Variants in GPATCH2L observed in about 807,000 individuals in gnomAD.
The protein encoded by GPATCH2L is G-patch domain containing 2 like, also known as G patch domain-containing protein 2-like.
A neutral mutation model predicts 57.4 loss-of-function variants in GPATCH2L; 31 were observed. The ratio of observed to expected loss-of-function variants is 0.54; its 90% CI spans 0.41 to 0.73. The LOEUF (loss-of-function observed/expected upper bound fraction) is 0.73. Ranked by LOEUF, GPATCH2L falls within the 30% of genes least tolerant of loss-of-function variation. GPATCH2L has a pLI of 0.00. For synonymous variants in GPATCH2L, 199 were observed against 210.7 expected, an observed-to-expected ratio of 0.94 and a Z score of 0.48; for missense variants, 481 against 599.9, an observed-to-expected ratio of 0.80 and a Z score of 2.07.
Position 76,195,981 on chromosome 14 carries a change from A to C in GPATCH2L, c.1288+9A>C. The C allele has an allele frequency of 1.9e-6, 3 of 1,578,376 alleles. No individual in the cohort carries two copies. The highest frequency in any genetic ancestry group is 2.6e-6 in the Non-Finnish European group (3 of 1,147,356). On this transcript the variant is annotated intron_variant, in intron 9 of 9. Coordinates refer to ENST00000261530, the MANE Select transcript of GPATCH2L (RefSeq NM_017926.4). ...GTCTAGCCCCAGTGCAGGTGATTACATGCAGTTATCATTTATTGAGCATGT... is the reference window on the plus strand; with the variant it reads ...GTCTAGCCCCAGTGCAGGTGATTACCTGCAGTTATCATTTATTGAGCATGT...
Position 76,214,000 on chromosome 14 carries a change from A to G in GPATCH2L, c.*12149A>G, listed in dbSNP as rs2040469211. 6.6e-6 allele frequency: 1 copy of G among 152,142 alleles called. No homozygotes were observed. The highest frequency in any genetic ancestry group is 2.4e-5 in the African/African-American group (1 of 41,420). 9.4% of individuals were successfully genotyped at this position (152,142 alleles called of 1,614,324 possible). A position where few individuals can be genotyped will look rare whatever the true frequency, so the allele number is the denominator to read the frequency against. On this transcript the variant is annotated 3_prime_UTR_variant, in exon 10 of 10. Coordinates refer to ENST00000261530, the MANE Select transcript of GPATCH2L (RefSeq NM_017926.4). ...ACTGTTTTAATTATAGAGACTTTAT[A>G]GTATGTTTTAACAACTGGCAAGGCT...
intron 9 of GPATCH2L, 148 bp from the exon 10 acceptor site, chr14:76,201,541 AAG>A: frequency 2.1e-6 from 1 of 476,826 alleles, no homozygotes; most frequent in African/African-American, 2.0e-5. Context: ...GTAGAGAAGA[AAG>A]AGATACCTTA....
intron 2 of GPATCH2L, among the ~76,000 whole-genome samples, chr14:76,165,446 CGCACCACA>C (rs1215749528): frequency 6.7e-6 from 1 of 149,664 alleles, no homozygotes; most frequent in Non-Finnish European, 1.5e-5. Flanking sequence ...GAGCCGAGAT[CGCACCACA>C]GCACTCCAGC....
At chr14:76,232,497 T>C (rs995747664) in intron 2 of GPATCH2L, among the ~76,000 whole-genome samples, 2 of 152,158 alleles carry the variant, frequency 1.3e-5, no homozygotes, top group Non-Finnish European at 2.9e-5. Flanking sequence ...CTGTTCGAGG[T>C]TAGCGGGAGC....
chr14:76,202,032 T>G lies in GPATCH2L; in HGVS notation c.*181T>G. On this transcript the variant is annotated 3_prime_UTR_variant, in exon 10 of 10. Transcript: ENST00000261530. Reference sequence around the variant, plus strand: ...CAGAAGATCATGTTGTGGGAATCTTTTTTTTAAATAGTGAAATATTGAGGC... The same window carrying G: ...CAGAAGATCATGTTGTGGGAATCTTGTTTTTAAATAGTGAAATATTGAGGC... 2.0e-6 allele frequency: 1 copy of G among 488,880 alleles called. No individual in the cohort carries two copies. The highest frequency in any genetic ancestry group is 3.5e-6 in the Non-Finnish European group (1 of 282,624). The allele number at this position is 488,880 out of a possible 1,614,324, so 30.3% of individuals were successfully genotyped here. A position where few individuals can be genotyped will look rare whatever the true frequency, so the allele number is the denominator to read the frequency against.
At chr14:76,214,834 C>G (rs1014755874), downstream of GPATCH2L, among the ~76,000 whole-genome samples, 1 of 152,144 alleles carries the variant, frequency 6.6e-6, no homozygotes, top group African/African-American at 2.4e-5. Context: ...TTAGTATAAT[C>G]TAAGCCCTAA....
intron 1 of GPATCH2L, among the ~76,000 whole-genome samples, chr14:76,153,453 A>C (rs1201191232): frequency 8.5e-5 from 13 of 152,206 alleles, no homozygotes; most frequent in African/African-American, 3.1e-4. Flanking sequence ...ATGAACAGAA[A>C]AATAAGAAAT....
rs542457016 is a variant in GPATCH2L at position 76,176,426 on chromosome 14, A to G, written c.985-197A>G. 7.8e-3 allele frequency: 4,389 copies of G among 562,992 alleles called. 22 individuals are homozygous for G. Among genetic ancestry groups the G allele is most frequent in the Non-Finnish European group, 9.9e-3 (3,118 of 315,302 alleles). 34.9% of individuals were successfully genotyped at this position (562,992 alleles called of 1,614,324 possible). ...CTTTTGGATCACTGGAGAATAATAA[A>G]TGTAGGGTAACATGTAATACTTTTA... On this transcript the variant is annotated intron_variant, in intron 5 of 9. Coordinates refer to ENST00000261530, the MANE Select transcript of GPATCH2L (RefSeq NM_017926.4).
chr14:76,178,328 G>A (rs2039422229), intron 7 of GPATCH2L: 1 of 1,196,402 alleles, frequency 8.4e-7, no homozygotes, highest in South Asian at 1.4e-5. Context: ...AGAAGGTAGA[G>A]CTGCTTTGGG....
At chr14:76,156,885 C>G (rs575418691) in intron 2 of GPATCH2L, among the ~76,000 whole-genome samples, 1 of 152,182 alleles carries the variant, frequency 6.6e-6, no homozygotes, top group Non-Finnish European at 1.5e-5. Context: ...CCTTCTTACT[C>G]CAGACACATC....
intron 1 of GPATCH2L, among the ~76,000 whole-genome samples, chr14:76,223,012 C>CA (rs1363972357): frequency 2.6e-5 from 4 of 151,082 alleles, no homozygotes; most frequent in Non-Finnish European, 2.9e-5. Context: ...AACTTTCCCA[C>CA]AAAAAAATCC....
At chr14:76,216,911 AAGTC>A (rs1400109865), downstream of GPATCH2L, among the ~76,000 whole-genome samples, 1 of 152,164 alleles carries the variant, frequency 6.6e-6, no homozygotes, top group Non-Finnish European at 1.5e-5. Context: ...GTGGTGCCCT[AAGTC>A]AGTGGGGGAA....
intron 1 of GPATCH2L, among the ~76,000 whole-genome samples, chr14:76,227,644 A>G (rs2040541697): frequency 6.6e-6 from 1 of 152,228 alleles, no homozygotes; most frequent in Non-Finnish European, 1.5e-5. Context: ...TTTTCGTTTA[A>G]GATATTAAAC....
Position 76,166,647 on chromosome 14 carries a change from T to A in GPATCH2L, c.663-16T>A, listed in dbSNP as rs751370659. On this transcript the variant is annotated splice_polypyrimidine_tract_variant and intron_variant, in intron 2 of 9. Coordinates refer to ENST00000261530, the MANE Select transcript of GPATCH2L (RefSeq NM_017926.4). The stretch of plus-strand genomic sequence containing the variant: ...CTGGAGCTGATGAGTTCTCTTGTGT[T>A]TTACTCTTTTTACAGTGAAACCAGC... The A allele has an allele frequency of 1.3e-6, 2 of 1,587,706 alleles. No homozygotes were observed. Among genetic ancestry groups the A allele is most frequent in the Non-Finnish European group, 1.7e-6 (2 of 1,156,030 alleles).
intron 9 of GPATCH2L, among the ~76,000 whole-genome samples, chr14:76,198,016 G>T (rs1405784353): frequency 6.6e-6 from 1 of 152,156 alleles, no homozygotes; most frequent in African/African-American, 2.4e-5. Context: ...AGGCTAGAGA[G>T]GTGAAGAGCA....
In GPATCH2L at chr14:76,171,823, A is replaced by G; in HGVS notation, c.728-20A>G. On this transcript the variant is annotated intron_variant, in intron 3 of 9. Coordinates refer to ENST00000261530, the MANE Select transcript of GPATCH2L (RefSeq NM_017926.4). ...ACCTTGTTTAAAATTCTAGCTTATG[A>G]TATGATGTCTTTACTTTAGGTGATG... 6.8e-7 allele frequency: 1 copy of G among 1,479,900 alleles called. No homozygotes were observed. Among genetic ancestry groups the G allele is most frequent in the East Asian group, 2.4e-5 (1 of 40,910 alleles). The allele number at this position is 1,479,900 out of a possible 1,614,324, so 91.7% of individuals were successfully genotyped here.
At chr14:76,226,762 C>T (rs1340909864) in intron 1 of GPATCH2L, among the ~76,000 whole-genome samples, 5 of 152,204 alleles carry the variant, frequency 3.3e-5, no homozygotes. Flanking sequence ...GACTTCCCAG[C>T]CTCCAGAACT....
chr14:76,227,874 C>T (rs148573034), intron 1 of GPATCH2L, among the ~76,000 whole-genome samples: 35 of 152,240 alleles, frequency 2.3e-4, no homozygotes, highest in African/African-American at 8.2e-4. Flanking sequence ...TGGAAAAGCC[C>T]GTTGCAGGTC....
intron 9 of GPATCH2L, among the ~76,000 whole-genome samples, chr14:76,198,552 A>AT (rs1363726657): frequency 6.6e-6 from 1 of 152,206 alleles, no homozygotes; most frequent in African/African-American, 2.4e-5. Flanking sequence ...GTGATCAGAA[A>AT]TTCTGTTGAG....
Sources: allele counts gnomAD v4.1 joint callset (sites outside exome capture counted in the v4.1 genomes callset), GRCh38; gene constraint gnomAD v4.1.1; transcripts MANE v1.5; gene names NCBI Gene and HGNC (gene_info 2026-07-23, HGNC 2026-07-21).